Variants in PCDHA8 observed in about 807,000 individuals in gnomAD.
PCDHA8 encodes the protein protocadherin alpha-8.
A neutral mutation model predicts 61.8 loss-of-function variants in PCDHA8; 53 were observed. The ratio of observed to expected loss-of-function variants is 0.86; its 90% confidence interval spans 0.69 to 1.08. PCDHA8 has a LOEUF of 1.08. PCDHA8 is among the 50% of genes least tolerant of loss of function. PCDHA8 has a pLI of 0.00. For synonymous variants in PCDHA8, 618 were observed against 556.6 expected, an observed-to-expected ratio of 1.11 and a Z score of -1.55; for missense variants, 1,293 against 1,245.0, an observed-to-expected ratio of 1.04 and a Z score of -0.58.
rs554450758 is a variant in PCDHA8, at chr5:140,895,787, C to T, written c.2394+52072C>T. On this transcript the variant is annotated intron_variant, in intron 1 of 3. Coordinates refer to ENST00000531613, the MANE Select transcript of PCDHA8 (RefSeq NM_018911.3). ...TTTATGGCTGCATAGTATTCAATGA[C>T]GTATATGTACAATACTGTATTGTAT... 8.5e-5 allele frequency among the ~76,000 whole-genome samples: 13 copies of T among 152,124 alleles called. No homozygotes were observed. The South Asian group carries it at 2.1e-3, about 24-fold the overall frequency.
chr5:140,884,472 G>A (rs1382253304), intron 1 of PCDHA8: 2 of 1,613,830 alleles, frequency 1.2e-6, no homozygotes, highest in Non-Finnish European at 1.7e-6. Flanking sequence ...TGCGCGCCGG[G>A]CAAGCCCACT....
chr5:140,876,481 C>G, intron 1 of PCDHA8: 1 of 1,613,996 alleles, frequency 6.2e-7, no homozygotes, highest in Non-Finnish European at 8.5e-7. Context: ...CAGCATGGTC[C>G]TGGTGGAAGT....
chr5:140,929,166 C>A (rs782695019), intron 1 of PCDHA8: 1 of 1,614,146 alleles, frequency 6.2e-7, no homozygotes, highest in Admixed American at 1.7e-5. Context: ...TCTATCGGGC[C>A]TCTCTGGGAC....
At chr5:140,872,661 TA>T (rs1211452464) in intron 1 of PCDHA8, among the ~76,000 whole-genome samples, 12 of 152,166 alleles carry the variant, frequency 7.9e-5, no homozygotes, top group African/African-American at 2.9e-4. Flanking sequence ...ATTTGTCAAC[TA>T]TTGGATACTC....
Position 140,968,052 on chromosome 5 carries a change from G to A in PCDHA8, c.2395-10897G>A, listed in dbSNP as rs990784546. ...CTGGTGGTGAGCGGCCCACTGGACC[G>A]AGAGCGGGTGGCTGTCTACAACATC... On this transcript the variant is annotated intron_variant, in intron 1 of 3. Transcript: ENST00000531613. The A allele has an allele frequency of 5.0e-6, 8 of 1,614,014 alleles. No homozygotes were observed. In the Admixed American group the frequency reaches 5.0e-5, roughly 10 times the overall value.
Position 140,978,781 on chromosome 5 carries a change from A to C in PCDHA8, c.2395-168A>C, listed in dbSNP as rs4461687. ...GACCCTGATGAACTAATTTTCTTCT[A>C]AAGTGCTATATATGTAGATATCATC... On this transcript the variant is annotated intron_variant, in intron 1 of 3. Coordinates refer to ENST00000531613, the MANE Select transcript of PCDHA8 (RefSeq NM_018911.3). 2,731 of 969,880 alleles carry C rather than the reference A, an allele frequency of 2.8e-3. 24 individuals carry two copies. The East Asian group carries it at 0.042, about 15-fold the overall frequency. The allele number at this position is 969,880 out of a possible 1,614,324, so 60.1% of individuals were successfully genotyped here.
At chr5:140,886,257 T>C (rs1391638514) in intron 1 of PCDHA8, among the ~76,000 whole-genome samples, 38 of 152,026 alleles carry the variant, frequency 2.5e-4, no homozygotes, top group Admixed American at 2.5e-3. Context: ...AGTATCTCTA[T>C]TTATAGATAA....
intron 1 of PCDHA8, among the ~76,000 whole-genome samples, chr5:140,946,311 T>C (rs896667905): frequency 6.6e-6 from 1 of 151,784 alleles, no homozygotes; most frequent in Non-Finnish European, 1.5e-5. Flanking sequence ...AGAATGGCTA[T>C]TATTGAAAGA....
chr5:140,882,997 C>T, intron 1 of PCDHA8: 1 of 1,614,062 alleles, frequency 6.2e-7, no homozygotes, highest in East Asian at 2.2e-5. Context: ...CGGAATTTTA[C>T]CAATCCGTTT....
intron 1 of PCDHA8, chr5:140,881,999 A>C: frequency 2.1e-6 from 1 of 471,262 alleles, no homozygotes. Context: ...AGGAAATGCA[A>C]GGGGCAAAAA....
At chr5:140,936,925 T>C (rs1554211273) in intron 1 of PCDHA8, among the ~76,000 whole-genome samples, 2 of 152,208 alleles carry the variant, frequency 1.3e-5, no homozygotes, top group African/African-American at 2.4e-5. Context: ...AAATATGGGG[T>C]ATATTGAAAA....
chr5:140,959,729 C>T (rs910806194), intron 1 of PCDHA8, among the ~76,000 whole-genome samples: 3 of 152,126 alleles, frequency 2.0e-5, no homozygotes, highest in South Asian at 4.1e-4. Context: ...ATAACATTAT[C>T]TCATCAAAAT....
rs868958947 is a variant in PCDHA8 at position 140,854,334 on chromosome 5, C to T, written c.2394+10619C>T. On this transcript the variant is annotated intron_variant, in intron 1 of 3. Transcript: ENST00000531613. ...ATTGATCAATGGCAAACTTATTTTA[C>T]GCTCCAGATAGCTAAAACAAACGTT... The T allele has an allele frequency of 4.5e-5, 9 of 198,856 alleles. 1 individual carries two copies. The highest frequency in any genetic ancestry group is 1.9e-4 in the East Asian group (1 of 5,382). The allele number at this position is 198,856 out of a possible 1,614,324, so 12.3% of individuals were successfully genotyped here. A position where few individuals can be genotyped will look rare whatever the true frequency, so the allele number is the denominator to read the frequency against.
intron 1 of PCDHA8, chr5:140,861,434 CA>C: frequency 4.1e-6 from 2 of 489,520 alleles, no homozygotes; most frequent in Non-Finnish European, 4.2e-6. Context: ...AGTTGGATTC[CA>C]AAAGCCGCAG....
chr5:140,862,713 C>T, intron 1 of PCDHA8: 1 of 561,970 alleles, frequency 1.8e-6, no homozygotes. Flanking sequence ...AGCGGGTGGG[C>T]GAGTGCGCGC....
chr5:140,994,428 C>T lies in PCDHA8; in HGVS notation c.2542+11865C>T, dbSNP rs183026150. Among the ~76,000 whole-genome samples, 15 of 152,198 alleles carry T rather than the reference C, an allele frequency of 9.9e-5. No individual in the cohort carries two copies. The South Asian group carries it at 1.2e-3, about 13-fold the overall frequency. On this transcript the variant is annotated intron_variant, in intron 3 of 3. Transcript: ENST00000531613. ...TTTAATACTGGATATTGAGGCCGGGCGCAGTGGCTCACACCTGTGATCCCA... is the reference window on the plus strand; with the variant it reads ...TTTAATACTGGATATTGAGGCCGGGTGCAGTGGCTCACACCTGTGATCCCA...
chr5:140,877,908 T>G (rs1554170220), intron 1 of PCDHA8: 2 of 1,433,428 alleles, frequency 1.4e-6, no homozygotes, highest in East Asian at 2.5e-5. Context: ...ATAACTACAT[T>G]CTCTCATTTT....
Position 140,988,605 on chromosome 5 carries a change from A to G in PCDHA8, c.2542+6042A>G, listed in dbSNP as rs558232011. Among the ~76,000 whole-genome samples, 7 of 152,332 alleles carry G rather than the reference A, an allele frequency of 4.6e-5. No homozygotes were observed. In the East Asian group the frequency reaches 1.2e-3, roughly 25 times the overall value. On this transcript the variant is annotated intron_variant, in intron 3 of 3. Coordinates refer to ENST00000531613, the MANE Select transcript of PCDHA8 (RefSeq NM_018911.3). ...TTCCACTTTTAATGGTCATGTAAAT[A>G]AAAGACTAGAATGGAGATGTCCTGG...
chr5:140,873,518 A>G (rs2054336624), intron 1 of PCDHA8, among the ~76,000 whole-genome samples: 1 of 152,200 alleles, frequency 6.6e-6, no homozygotes, highest in Non-Finnish European at 1.5e-5. Context: ...CTTAATGCCA[A>G]GATTGCATTC....
Sources: allele counts gnomAD v4.1 joint callset (sites outside exome capture counted in the v4.1 genomes callset), GRCh38; gene constraint gnomAD v4.1.1; transcripts MANE v1.5; gene names NCBI Gene and HGNC (gene_info 2026-07-23, HGNC 2026-07-21).